PLEKHA5: variants seen among roughly 807,000 people sequenced by gnomAD.
PLEKHA5 encodes pleckstrin homology domain-containing family A member 5.
PLEKHA5 carries 55 observed loss-of-function variants against 181.9 expected under a neutral mutation model. The observed-to-expected ratio is 0.30, with a 90% CI of 0.24 to 0.38. The LOEUF is 0.38. Among genes scored for constraint, PLEKHA5 ranks in the 10% least tolerant of loss-of-function variants. The pLI is 1.00. For missense variants in PLEKHA5, 1,432 were observed against 1,549.5 expected (o/e 0.92, Z 1.27); for synonymous variants, 535 against 529.4 (o/e 1.01, Z -0.15).
chr12:19,270,015 A>T, intron 9 of PLEKHA5, 130 bp downstream of exon 9: 1 of 643,330 alleles, frequency 1.6e-6, no homozygotes, highest in Admixed American at 3.2e-5. Context: ...CTCAGAAAGC[A>T]AGGATCAATT....
intron 28 of PLEKHA5, among the ~76,000 whole-genome samples, chr12:19,360,327 G>A (rs1283576040): frequency 6.6e-6 from 1 of 151,350 alleles, no homozygotes; most frequent in Non-Finnish European, 1.5e-5. Context: ...AAAAAACGTG[G>A]CGGGCACAGT....
Position 19,287,480 on chromosome 12 carries a change from A to T in PLEKHA5, c.1787A>T (p.Tyr596Phe), listed in dbSNP as rs779785581. Residue 596 changes from tyrosine to phenylalanine, a missense_variant, in exon 13 of 32, where the codon TAT becomes TTT. By Grantham distance (22) the Tyr-to-Phe change is conservative. Coordinates refer to ENST00000429027, the MANE Select transcript of PLEKHA5 (RefSeq NM_001256470.2). ...RHRAHHPKHV[Y>F]VPDRRSVPAG... Reference sequence around the variant, plus strand: ...GTGCCTTTACTTTCCTAGCATGTCTATGTGCCTGACAGAAGGTCAGTGCCA... The same window carrying T: ...GTGCCTTTACTTTCCTAGCATGTCTTTGTGCCTGACAGAAGGTCAGTGCCA... The T allele has an allele frequency of 6.2e-7, 1 of 1,606,272 alleles. No homozygotes were observed. The highest frequency in any genetic ancestry group is 8.5e-7 in the Non-Finnish European group (1 of 1,174,438).
chr12:19,171,616 C>T (rs2045912300), intron 3 of PLEKHA5, among the ~76,000 whole-genome samples: 1 of 152,242 alleles, frequency 6.6e-6, no homozygotes, highest in African/African-American at 2.4e-5. Context: ...ACCTTAGCCT[C>T]CCAGAGTGCT....
intron 15 of PLEKHA5, among the ~76,000 whole-genome samples, chr12:19,308,726 A>G (rs550950299): frequency 6.6e-6 from 1 of 152,208 alleles, no homozygotes; most frequent in African/African-American, 2.4e-5. Context: ...CCAAATTAAC[A>G]TAGTTCCATC....
intron 3 of PLEKHA5, among the ~76,000 whole-genome samples, chr12:19,222,216 A>T (rs2059054620): frequency 2.0e-5 from 3 of 152,166 alleles, no homozygotes; most frequent in South Asian, 4.1e-4. Flanking sequence ...CTTTGAGATT[A>T]TCAAAGAAAG....
intron 31 of PLEKHA5, among the ~76,000 whole-genome samples, 169 bp downstream of exon 31, chr12:19,369,967 T>G (rs1483315989): frequency 6.6e-6 from 1 of 152,268 alleles, no homozygotes; most frequent in African/African-American, 2.4e-5. Flanking sequence ...ATTGCTAACA[T>G]TGGCTCCTCT....
intron 3 of PLEKHA5, among the ~76,000 whole-genome samples, chr12:19,224,344 T>C (rs553041777): frequency 1.3e-5 from 2 of 152,288 alleles, no homozygotes; most frequent in African/African-American, 4.8e-5. Flanking sequence ...AATGATGAAG[T>C]TTGGAAGTCT....
chr12:19,200,522 T>C lies in PLEKHA5; in HGVS notation c.228-53418T>C, dbSNP rs891516403. On this transcript the variant is annotated intron_variant, in intron 3 of 31. Transcript: ENST00000429027. ...ACAAATGTTCCAAATCTTTGATTAC[T>C]CACCTCAGAATGCTTGTCTCACTCC... 4.1e-5 allele frequency: 55 copies of C among 1,357,666 alleles called. No individual in the cohort carries two copies. In the African/African-American group the frequency reaches 5.8e-4, roughly 14 times the overall value. 84.1% of individuals were successfully genotyped at this position (1,357,666 alleles called of 1,614,324 possible). A position where few individuals can be genotyped will look rare whatever the true frequency, so the allele number is the denominator to read the frequency against.
chr12:19,371,635 A>C, intron 31 of PLEKHA5: 1 of 169,126 alleles, frequency 5.9e-6, no homozygotes. Context: ...TGCAAAATAC[A>C]TTATTTTGTT....
At chr12:19,316,677 T>C (rs2088891955) in intron 16 of PLEKHA5, among the ~76,000 whole-genome samples, 1 of 152,158 alleles carries the variant, frequency 6.6e-6, no homozygotes, top group Admixed American at 6.5e-5. Context: ...CTTCAGACTG[T>C]CTTATTTTTA....
At chr12:19,151,923 G>GTGACA (rs2040489345) in intron 3 of PLEKHA5, 1 of 144,138 alleles carries the variant, frequency 6.9e-6, no homozygotes, top group Admixed American at 7.1e-5. Flanking sequence ...CTGGAGTGTA[G>GTGACA]TGACACGATC....
intron 3 of PLEKHA5, among the ~76,000 whole-genome samples, chr12:19,221,952 C>T (rs942941375): frequency 1.3e-5 from 2 of 151,938 alleles, no homozygotes; most frequent in African/African-American, 4.8e-5. Context: ...AAACAATTGA[C>T]TTTAGTTAAT....
intron 3 of PLEKHA5, among the ~76,000 whole-genome samples, chr12:19,145,310 A>G (rs1176555413): frequency 2.0e-5 from 3 of 152,120 alleles, no homozygotes; most frequent in Admixed American, 6.5e-5. Context: ...GAGTAGCACT[A>G]TAGCCCTCTG....
intron 25 of PLEKHA5, among the ~76,000 whole-genome samples, chr12:19,352,086 A>AG (rs1357946085): frequency 6.6e-6 from 1 of 151,368 alleles, no homozygotes; most frequent in East Asian, 1.9e-4. Flanking sequence ...CAAAAAAAAA[A>AG]AAAAAAAAAA....
chr12:19,167,405 A>ATTTTT (rs56086557), intron 3 of PLEKHA5, among the ~76,000 whole-genome samples: 22 of 91,222 alleles, frequency 2.4e-4, no homozygotes, highest in African/African-American at 7.7e-4. Context: ...CTGAGGCTTA[A>ATTTTT]TTTTTTTTTT....
chr12:19,307,058 T>G, intron 15 of PLEKHA5: 2 of 1,411,724 alleles, frequency 1.4e-6, no homozygotes, highest in Non-Finnish European at 2.0e-6. Context: ...GGAGCAAACT[T>G]GAACTCAATC....
chr12:19,329,209 CTT>C (rs1377594641), intron 20 of PLEKHA5, among the ~76,000 whole-genome samples: 3 of 152,132 alleles, frequency 2.0e-5, no homozygotes, highest in Non-Finnish European at 2.9e-5. Context: ...GGTGAATTAA[CTT>C]TTTGATATGC....
In PLEKHA5 at chr12:19,306,266, C is replaced by T. The variant is rs140349246; in HGVS notation, c.2038-8548C>T. 6.1e-3 allele frequency: 2,085 copies of T among 342,948 alleles called. 13 individuals are homozygous for T. Among genetic ancestry groups the T allele is most frequent in the Non-Finnish European group, 7.9e-3 (1,356 of 172,732 alleles). 21.2% of individuals were successfully genotyped at this position (342,948 alleles called of 1,614,324 possible). ...ACCTAAGTGTATTTCCGAGATGTTG[C>T]CACGTATGTTTTCTTATTTACAGCT... is the stretch of plus-strand genomic sequence containing the variant. On this transcript the variant is annotated intron_variant, in intron 15 of 31. Coordinates refer to ENST00000429027, the MANE Select transcript of PLEKHA5 (RefSeq NM_001256470.2).
At chr12:19,259,344 G>C (rs901578741) in intron 6 of PLEKHA5, among the ~76,000 whole-genome samples, 4 of 151,964 alleles carry the variant, frequency 2.6e-5, no homozygotes, top group African/African-American at 9.7e-5. Flanking sequence ...TCCAGCCTGG[G>C]TGACAGAGCA....
Sources: allele counts gnomAD v4.1 joint callset (sites outside exome capture counted in the v4.1 genomes callset), GRCh38; gene constraint gnomAD v4.1.1; transcripts MANE v1.5; gene names NCBI Gene and HGNC (gene_info 2026-07-23, HGNC 2026-07-21).